The following MITF variants were observed in gnomAD, a reference collection of about 807,000 sequenced individuals.
MITF encodes melanocyte inducing transcription factor, also known as microphthalmia-associated transcription factor.
MITF carries 17 observed loss-of-function variants against 60.5 expected under a neutral mutation model. That is an observed-to-expected ratio of 0.28 (90% confidence interval 0.19 to 0.42). The LOEUF is 0.42. Among genes scored for constraint, MITF ranks in the 10% least tolerant of loss-of-function variants. MITF has a pLI of 1.00. For synonymous variants in MITF, 260 were observed against 248.5 expected (o/e 1.05, Z -0.43); for missense variants, 622 against 683.5 (o/e 0.91, Z 1.00).
At chr3:69,750,917 G>C (rs1343306594) in intron 1 of MITF, among the ~76,000 whole-genome samples, 1 of 152,092 alleles carries the variant, frequency 6.6e-6, no homozygotes, top group Non-Finnish European at 1.5e-5. Flanking sequence ...ATCAGAAAAT[G>C]AATTTATTGG....
intron 1 of MITF, among the ~76,000 whole-genome samples, chr3:69,793,493 G>GATGCTCATAGCATGCACCCTCTCCCA (rs541867052): frequency 0.011 from 1,385 of 131,736 alleles, 57 homozygotes; most frequent in African/African-American, 0.031. Context: ...CTACCCATTA[G>GATGCTCATAGCATGCACCCTCTCCCA]ATGCTCATAG....
intron 1 of MITF, among the ~76,000 whole-genome samples, chr3:69,867,568 A>G (rs114737112): frequency 2.6e-4 from 40 of 152,258 alleles, no homozygotes; most frequent in Non-Finnish European, 4.9e-4. Context: ...TAAACAAAGT[A>G]TATATAATTA....
At chr3:69,845,666 C>T (rs909808320) in intron 1 of MITF, among the ~76,000 whole-genome samples, 2 of 152,118 alleles carry the variant, frequency 1.3e-5, no homozygotes, top group Non-Finnish European at 2.9e-5. Flanking sequence ...GTGTCTAGTT[C>T]ACCACATCTT....
chr3:69,957,858 CTA>C (rs1371894989), intron 8 of MITF, among the ~76,000 whole-genome samples: 1 of 152,158 alleles, frequency 6.6e-6, no homozygotes, highest in Admixed American at 6.5e-5. Context: ...ACAAAACAGA[CTA>C]TAATCTATAT....
At chr3:69,957,727 G>T (rs191102935) in intron 8 of MITF, among the ~76,000 whole-genome samples, 12 of 152,286 alleles carry the variant, frequency 7.9e-5, no homozygotes, top group Admixed American at 7.2e-4. Flanking sequence ...AACATATTAT[G>T]AAATTATGGG....
At position 69,965,434 on chromosome 3, in the gene MITF, T is replaced by A. The variant is rs1196055245; in HGVS notation, c.*186T>A. On this transcript the variant is annotated 3_prime_UTR_variant, in exon 10 of 10. Transcript: ENST00000352241. Reference sequence around the variant, plus strand: ...TGAAACAGACTTGTATATTCTATTTTACAACTACAAATGCCTCCAAAGTAT... The same window carrying A: ...TGAAACAGACTTGTATATTCTATTTAACAACTACAAATGCCTCCAAAGTAT... 5.0e-6 allele frequency: 3 copies of A among 601,240 alleles called. No individual in the cohort carries two copies. Among genetic ancestry groups the A allele is most frequent in the Non-Finnish European group, 8.6e-6 (3 of 348,894 alleles). 37.2% of individuals were successfully genotyped at this position (601,240 alleles called of 1,614,324 possible).
At chr3:69,778,801 A>G (rs922068876) in intron 1 of MITF, 1 of 150,824 alleles carries the variant, frequency 6.6e-6, no homozygotes, top group Admixed American at 6.6e-5. Flanking sequence ...TGCAAAAACC[A>G]TTTTTTTTTC....
intron 1 of MITF, among the ~76,000 whole-genome samples, chr3:69,808,421 G>A (rs2063045924): frequency 6.6e-6 from 1 of 152,078 alleles, no homozygotes; most frequent in African/African-American, 2.4e-5. Context: ...CTCTGTCATG[G>A]GGCTTGCAGG....
intron 1 of MITF, among the ~76,000 whole-genome samples, chr3:69,839,085 G>GT (rs1178253019): frequency 3.3e-5 from 5 of 151,910 alleles, no homozygotes; most frequent in Non-Finnish European, 7.4e-5. Flanking sequence ...AACCTGCACA[G>GT]TTTTTCATTT....
intron 5 of MITF, among the ~76,000 whole-genome samples, chr3:69,948,777 T>A (rs2066164847): frequency 6.6e-6 from 1 of 152,126 alleles, no homozygotes; most frequent in Admixed American, 6.6e-5. Context: ...GCCTCCATGC[T>A]CAAAATAAAC....
At chr3:69,827,144 G>C (rs1398546116) in intron 1 of MITF, among the ~76,000 whole-genome samples, 1 of 152,136 alleles carries the variant, frequency 6.6e-6, no homozygotes, top group African/African-American at 2.4e-5. Context: ...TCCTATCTGA[G>C]GGGGACAGGA....
intron 1 of MITF, among the ~76,000 whole-genome samples, chr3:69,816,601 G>A (rs1224446554): frequency 6.6e-6 from 1 of 152,218 alleles, no homozygotes; most frequent in Non-Finnish European, 1.5e-5. Flanking sequence ...AATCAGACAT[G>A]TGGACTTCGG....
intron 2 of MITF, among the ~76,000 whole-genome samples, chr3:69,931,565 T>G (rs2065723044): frequency 6.6e-6 from 1 of 152,202 alleles, no homozygotes; most frequent in South Asian, 2.1e-4. Flanking sequence ...TGTTTTAACA[T>G]CAAATTTTCA....
chr3:69,786,388 C>T (rs1018326254), intron 1 of MITF, among the ~76,000 whole-genome samples: 3 of 152,152 alleles, frequency 2.0e-5, no homozygotes, highest in South Asian at 2.1e-4. Context: ...AAGTCCTTTG[C>T]GCTCTGTAGA....
chr3:69,796,526 G>A (rs1286004144), intron 1 of MITF, among the ~76,000 whole-genome samples: 2 of 64,962 alleles, frequency 3.1e-5, no homozygotes, highest in Non-Finnish European at 4.1e-5. Context: ...TTGAGACGGA[G>A]TCTCGCTCTG....
chr3:69,819,038 A>G (rs35896616), intron 1 of MITF, among the ~76,000 whole-genome samples: 51,424 of 152,118 alleles, frequency 0.34, 9,726 homozygotes, highest in Non-Finnish European at 0.43. Flanking sequence ...TAAAACTTTA[A>G]TAAGATTCAC....
At chr3:69,784,015 A>G (rs1280213823) in intron 1 of MITF, among the ~76,000 whole-genome samples, 1 of 152,096 alleles carries the variant, frequency 6.6e-6, no homozygotes, top group East Asian at 1.9e-4. Context: ...TTTCAAATAT[A>G]TTAGAGACAA....
At chr3:69,919,814 G>T (rs1464717878) in intron 2 of MITF, among the ~76,000 whole-genome samples, 1 of 115,668 alleles carries the variant, frequency 8.6e-6, no homozygotes, top group African/African-American at 2.5e-5. Flanking sequence ...ATTATTTGCT[G>T]GGGTTTTTTT....
chr3:69,878,463 T>C (rs1440846450), intron 1 of MITF, among the ~76,000 whole-genome samples: 1 of 152,068 alleles, frequency 6.6e-6, no homozygotes, highest in African/African-American at 2.4e-5. Flanking sequence ...CCAAGGTGAA[T>C]CAGAAGAAAA....
Sources: gnomAD v4.1 joint callset for allele counts (sites outside exome capture counted in the v4.1 genomes callset) on GRCh38, gnomAD v4.1.1 for gene constraint, MANE v1.5 for transcripts, NCBI Gene and HGNC (gene_info 2026-07-23, HGNC 2026-07-21) for gene names.